The following PCSK2 variants were observed in gnomAD, a reference collection of about 807,000 sequenced individuals.
The protein encoded by PCSK2 is neuroendocrine convertase 2.
Under a neutral mutation model 69.7 loss-of-function variants are expected in PCSK2, and 14 were observed. The ratio of observed to expected loss-of-function variants is 0.20; its 90% CI spans 0.13 to 0.31. The LOEUF (loss-of-function observed/expected upper bound fraction) is 0.31. PCSK2 is among the 10% of genes least tolerant of loss of function. The pLI is 1.00. For missense variants in PCSK2, 544 were observed against 842.5 expected, an observed-to-expected ratio of 0.65 and a Z score of 4.39; for synonymous variants, 307 against 320.7, an observed-to-expected ratio of 0.96 and a Z score of 0.46.
intron 2 of PCSK2, among the ~76,000 whole-genome samples, chr20:17,333,910 C>CATATAT (rs3076241): frequency 0.021 from 1,796 of 86,378 alleles, 160 homozygotes; most frequent in African/African-American, 0.04. Context: ...TAAGTCACTG[C>CATATAT]ATATATATAT....
At chr20:17,382,453 T>C (rs1181337910) in intron 5 of PCSK2, among the ~76,000 whole-genome samples, 1 of 152,180 alleles carries the variant, frequency 6.6e-6, no homozygotes, top group East Asian at 1.9e-4. Context: ...TGCCTTCATT[T>C]AACCTGGCCC....
chr20:17,266,360 G>A (rs1013355450), intron 2 of PCSK2, among the ~76,000 whole-genome samples: 3 of 152,156 alleles, frequency 2.0e-5, no homozygotes, highest in Non-Finnish European at 2.9e-5. Context: ...TTTCCTAAAC[G>A]CAAGCTGACT....
intron 5 of PCSK2, among the ~76,000 whole-genome samples, chr20:17,392,550 G>A (rs2031409814): frequency 6.6e-6 from 1 of 152,124 alleles, no homozygotes; most frequent in South Asian, 2.1e-4. Context: ...CAGTCAAGAG[G>A]CAGAACATCC....
chr20:17,429,004 A>C (rs2032307896), intron 6 of PCSK2, among the ~76,000 whole-genome samples: 1 of 124,264 alleles, frequency 8.0e-6, no homozygotes. Flanking sequence ...TCTCAAAAAA[A>C]AAAAAAAAAA....
chr20:17,296,196 G>A (rs545983917), intron 2 of PCSK2, among the ~76,000 whole-genome samples: 3 of 152,240 alleles, frequency 2.0e-5, no homozygotes, highest in Admixed American at 6.5e-5. Flanking sequence ...GGCCACAGAC[G>A]TGGCTTGGCA....
chr20:17,461,173 G>A (rs917822255), intron 10 of PCSK2, among the ~76,000 whole-genome samples: 1 of 152,060 alleles, frequency 6.6e-6, no homozygotes, highest in Admixed American at 6.5e-5. Context: ...TCTTTGAGAT[G>A]AGATTTTCCA....
At chr20:17,246,502 T>A (rs1986776456) in intron 1 of PCSK2, among the ~76,000 whole-genome samples, 1 of 152,134 alleles carries the variant, frequency 6.6e-6, no homozygotes, top group African/African-American at 2.4e-5. Flanking sequence ...AAAAGGAGAA[T>A]GTAAGTCACA....
intron 6 of PCSK2, among the ~76,000 whole-genome samples, chr20:17,425,710 T>C (rs979183520): frequency 6.6e-6 from 1 of 152,218 alleles, no homozygotes; most frequent in African/African-American, 2.4e-5. Context: ...TCTGTGTTCC[T>C]GGTGGAGCAG....
intron 11 of PCSK2, among the ~76,000 whole-genome samples, chr20:17,468,243 C>T (rs546990000): frequency 9.4e-4 from 141 of 150,206 alleles, no homozygotes; most frequent in African/African-American, 3.1e-3. Flanking sequence ...CACAGGCCAG[C>T]GTCCTGCCGT....
At chr20:17,286,804 G>A (rs1399230862) in intron 2 of PCSK2, among the ~76,000 whole-genome samples, 3 of 152,170 alleles carry the variant, frequency 2.0e-5, no homozygotes, top group African/African-American at 7.2e-5. Context: ...CCCAGTGAAG[G>A]GGGTTGTGCT....
At chr20:17,467,322 T>A (rs1468257862) in intron 11 of PCSK2, among the ~76,000 whole-genome samples, 3 of 152,224 alleles carry the variant, frequency 2.0e-5, no homozygotes, top group Non-Finnish European at 2.9e-5. Context: ...TTAGATAAAA[T>A]GCACTGGATT....
intron 2 of PCSK2, among the ~76,000 whole-genome samples, chr20:17,271,063 C>G (rs1260680165): frequency 6.6e-6 from 1 of 152,124 alleles, no homozygotes; most frequent in Non-Finnish European, 1.5e-5. Flanking sequence ...CAATTCTAAC[C>G]AGTTTGTGAT....
intron 5 of PCSK2, among the ~76,000 whole-genome samples, chr20:17,385,178 A>G (rs1321501137): frequency 6.6e-6 from 1 of 152,156 alleles, no homozygotes; most frequent in Admixed American, 6.5e-5. Flanking sequence ...AATTTTTACT[A>G]TTTGATCCTT....
At chr20:17,390,113 T>C (rs1266718349) in intron 5 of PCSK2, among the ~76,000 whole-genome samples, 1 of 152,124 alleles carries the variant, frequency 6.6e-6, no homozygotes, top group East Asian at 1.9e-4. Context: ...AATAGGCAAA[T>C]CTCCAAATGT....
intron 10 of PCSK2, among the ~76,000 whole-genome samples, chr20:17,461,861 T>C (rs1008762287): frequency 6.6e-6 from 1 of 152,222 alleles, no homozygotes; most frequent in Non-Finnish European, 1.5e-5. Flanking sequence ...CCTGATGTGA[T>C]TATCATGCAT....
At chr20:17,380,238 AT>A (rs2123251447) in intron 5 of PCSK2, among the ~76,000 whole-genome samples, 1 of 152,394 alleles carries the variant, frequency 6.6e-6, no homozygotes, top group African/African-American at 2.4e-5. Flanking sequence ...TATAGTGGAT[AT>A]TTGAGCACAA....
chr20:17,426,849 T>A (rs1013435254), intron 6 of PCSK2, among the ~76,000 whole-genome samples: 2 of 152,234 alleles, frequency 1.3e-5, no homozygotes, highest in African/African-American at 4.8e-5. Context: ...TGTCCACAAA[T>A]TGAAATGTGA....
At chr20:17,396,063 A>C (rs1415333526) in intron 5 of PCSK2, among the ~76,000 whole-genome samples, 1 of 152,230 alleles carries the variant, frequency 6.6e-6, no homozygotes, top group Non-Finnish European at 1.5e-5. Context: ...AGCTTTGAGC[A>C]TCTCTACAAC....
At chr20:17,243,000 T>C (rs1175551025) in intron 1 of PCSK2, among the ~76,000 whole-genome samples, 2 of 152,234 alleles carry the variant, frequency 1.3e-5, no homozygotes, top group African/African-American at 4.8e-5. Flanking sequence ...GGCTTCTTGT[T>C]CAGTAGTTTT....
Sources: gnomAD v4.1 joint callset for allele counts (sites outside exome capture counted in the v4.1 genomes callset) on GRCh38, gnomAD v4.1.1 for gene constraint, MANE v1.5 for transcripts, NCBI Gene and HGNC (gene_info 2026-07-23, HGNC 2026-07-21) for gene names.